Variants in ASTN2 observed in about 807,000 individuals in gnomAD.
The protein encoded by ASTN2 is astrotactin 2.
ASTN2 carries 54 observed loss-of-function variants against 139.8 expected under a neutral mutation model. The observed-to-expected ratio is 0.39, with a 90% CI of 0.31 to 0.48. ASTN2 has a LOEUF of 0.48. Among genes scored for constraint, ASTN2 ranks in the 20% least tolerant of loss-of-function variants. The pLI, the probability that ASTN2 is intolerant of heterozygous loss-of-function variation, is 0.95. For synonymous variants in ASTN2, 756 were observed against 719.5 expected, an observed-to-expected ratio of 1.05 and a Z score of -0.81; for missense variants, 1,565 against 1,725.1, an observed-to-expected ratio of 0.91 and a Z score of 1.64.
At position 117,060,536 on chromosome 9, in the gene ASTN2, A is replaced by ATG. The variant is rs1564406857; in HGVS notation, c.1277-20572_1277-20571insCA. 8.6e-4 allele frequency among the ~76,000 whole-genome samples: 112 copies of ATG among 130,842 alleles called. 20 individuals carry two copies. The highest frequency in any genetic ancestry group is 1.3e-3 in the Non-Finnish European group (81 of 63,810). 85.8% of individuals were successfully genotyped at this position (130,842 alleles called of 152,430 possible). ...AAGGAAGGAAGGAAGGAAGGAAGGA[A>ATG]AGAAAGAAAGAAAGAAAAAGAAAGA... On this transcript the variant is annotated intron_variant, in intron 5 of 22. Transcript: ENST00000313400.
intron 10 of ASTN2, among the ~76,000 whole-genome samples, chr9:116,942,077 CGT>C (rs1835251850): frequency 5.7e-5 from 3 of 52,434 alleles, no homozygotes; most frequent in Admixed American, 2.5e-4. Flanking sequence ...TGCAAGTGCA[CGT>C]ACGCACGCAC....
At chr9:117,401,938 G>A (rs1588015801) in intron 1 of ASTN2, among the ~76,000 whole-genome samples, 1 of 152,166 alleles carries the variant, frequency 6.6e-6, no homozygotes, top group African/African-American at 2.4e-5. Context: ...ATATAGTATG[G>A]CATAAAGAAA....
chr9:117,324,028 G>A (rs1394928860), intron 1 of ASTN2, among the ~76,000 whole-genome samples: 1 of 152,138 alleles, frequency 6.6e-6, no homozygotes, highest in Non-Finnish European at 1.5e-5. Flanking sequence ...TAAGGAGAAA[G>A]AAGTGCCAAT....
At chr9:117,294,474 G>A (rs1235770314) in intron 1 of ASTN2, among the ~76,000 whole-genome samples, 1 of 152,214 alleles carries the variant, frequency 6.6e-6, no homozygotes. Context: ...AGAAGGCCTC[G>A]ATCATTCATT....
At chr9:117,383,698 T>C (rs1233851913) in intron 1 of ASTN2, among the ~76,000 whole-genome samples, 1 of 152,124 alleles carries the variant, frequency 6.6e-6, no homozygotes, top group Non-Finnish European at 1.5e-5. Flanking sequence ...AATATATATA[T>C]TTAACAAGAA....
intron 19 of ASTN2, among the ~76,000 whole-genome samples, chr9:116,589,177 G>C (rs73526170): frequency 0.011 from 1,699 of 152,164 alleles, 28 homozygotes; most frequent in African/African-American, 0.039. Context: ...CATTAAGAAA[G>C]GTAGGAGGAA....
intron 13 of ASTN2, among the ~76,000 whole-genome samples, chr9:116,790,139 T>C (rs1336499731): frequency 1.3e-5 from 2 of 152,092 alleles, no homozygotes; most frequent in African/African-American, 4.8e-5. Context: ...TTGGCCAGGC[T>C]GGTCTTGAAC....
At chr9:117,020,219 G>A (rs1197248229) in intron 6 of ASTN2, among the ~76,000 whole-genome samples, 1 of 151,904 alleles carries the variant, frequency 6.6e-6, no homozygotes, top group Non-Finnish European at 1.5e-5. Context: ...ACTATTACTA[G>A]TACTTCTATG....
At chr9:116,597,299 ATTTTTTTTTTTTT>A (rs757848093) in intron 19 of ASTN2, among the ~76,000 whole-genome samples, 5 of 75,544 alleles carry the variant, frequency 6.6e-5, no homozygotes, top group Admixed American at 1.9e-4. Context: ...CTTTTGATCT[ATTTTTTTTTTTTT>A]TTTTTTTTTT....
chr9:117,071,247 C>T (rs1828113650), intron 5 of ASTN2, among the ~76,000 whole-genome samples: 3 of 151,480 alleles, frequency 2.0e-5, no homozygotes, highest in Admixed American at 2.0e-4. Flanking sequence ...CCCTCAGCTG[C>T]AGGTCTGTTG....
chr9:116,808,277 TTGTGTGTGTG>T (rs10553571), intron 12 of ASTN2, among the ~76,000 whole-genome samples: 4 of 149,680 alleles, frequency 2.7e-5, no homozygotes, highest in South Asian at 2.1e-4. Context: ...TAAATACATA[TTGTGTGTGTG>T]TGTGTGTGTG....
intron 13 of ASTN2, among the ~76,000 whole-genome samples, chr9:116,734,179 T>A (rs1355128173): frequency 6.6e-6 from 1 of 152,074 alleles, no homozygotes; most frequent in Non-Finnish European, 1.5e-5. Context: ...CTCAAACCCA[T>A]GTCTTCTGAC....
At chr9:116,514,951 G>T (rs920001561) in intron 19 of ASTN2, among the ~76,000 whole-genome samples, 1 of 152,064 alleles carries the variant, frequency 6.6e-6, no homozygotes, top group African/African-American at 2.4e-5. Flanking sequence ...TCCCGGGTGA[G>T]GCGATGCCTC....
chr9:117,223,235 C>T (rs901569395), intron 2 of ASTN2, among the ~76,000 whole-genome samples: 11 of 151,918 alleles, frequency 7.2e-5, no homozygotes, highest in Non-Finnish European at 1.3e-4. Context: ...CAACTGGTGG[C>T]AATTTTGCCC....
intron 11 of ASTN2, among the ~76,000 whole-genome samples, chr9:116,860,035 T>C (rs1350282847): frequency 6.6e-6 from 1 of 152,018 alleles, no homozygotes; most frequent in African/African-American, 2.4e-5. Flanking sequence ...TACACACCTG[T>C]GAGTCAGGTG....
chr9:116,459,526 A>C (rs1298023480), intron 20 of ASTN2, among the ~76,000 whole-genome samples: 1 of 152,122 alleles, frequency 6.6e-6, no homozygotes. Flanking sequence ...TAAAGGTGTC[A>C]TGTCTAGAAT....
intron 2 of ASTN2, among the ~76,000 whole-genome samples, chr9:117,233,425 A>G (rs1832954108): frequency 6.6e-6 from 1 of 152,148 alleles, no homozygotes; most frequent in South Asian, 2.1e-4. Flanking sequence ...CCTGACTCCC[A>G]GGGTGGTTGG....
chr9:116,764,308 TG>T (rs1829750442), intron 13 of ASTN2, among the ~76,000 whole-genome samples: 1 of 152,218 alleles, frequency 6.6e-6, no homozygotes, highest in African/African-American at 2.4e-5. Flanking sequence ...GACTGGTTAT[TG>T]CAGGAGTATC....
At chr9:116,759,045 T>G (rs1180019412) in intron 13 of ASTN2, among the ~76,000 whole-genome samples, 3 of 152,138 alleles carry the variant, frequency 2.0e-5, no homozygotes, top group Non-Finnish European at 4.4e-5. Flanking sequence ...CCCTGCTAAT[T>G]TTTTAATTCC....
Sources: gnomAD v4.1 joint callset for allele counts (sites outside exome capture counted in the v4.1 genomes callset) on GRCh38, gnomAD v4.1.1 for gene constraint, MANE v1.5 for transcripts, NCBI Gene and HGNC (gene_info 2026-07-23, HGNC 2026-07-21) for gene names.